The following ENTHD1 variants were observed in gnomAD, a reference collection of about 807,000 sequenced individuals.
ENTHD1 encodes the protein ENTH domain-containing protein 1.
In ENTHD1, 23 loss-of-function variants were observed where a neutral mutation model predicts 39.1. The ratio of observed to expected loss-of-function variants is 0.59; its 90% confidence interval spans 0.42 to 0.83. The LOEUF (loss-of-function observed/expected upper bound fraction) is 0.83. Among genes scored for constraint, ENTHD1 ranks in the 40% least tolerant of loss-of-function variants. The pLI is 0.00. For synonymous variants in ENTHD1, 230 were observed against 258.2 expected (o/e 0.89, Z 1.05); for missense variants, 624 against 705.4 (o/e 0.88, Z 1.31).
intron 5 of ENTHD1, among the ~76,000 whole-genome samples, chr22:39,786,340 C>T (rs1294038205): frequency 4.6e-5 from 7 of 152,214 alleles, no homozygotes; most frequent in Non-Finnish European, 7.4e-5. Context: ...ATCAAACTAA[C>T]GAATATCTAC....
chr22:39,883,836 A>C (rs1287464856), intron 2 of ENTHD1, among the ~76,000 whole-genome samples: 42 of 142,990 alleles, frequency 2.9e-4, no homozygotes, highest in East Asian at 6.1e-4. Flanking sequence ...CCTGGATGAC[A>C]GAGCAAGGCT....
At chr22:39,878,485 A>T (rs1232359565) in intron 2 of ENTHD1, among the ~76,000 whole-genome samples, 1 of 148,634 alleles carries the variant, frequency 6.7e-6, no homozygotes, top group Admixed American at 6.7e-5. Flanking sequence ...ATAAATGGAA[A>T]TTTTTTTTTC....
chr22:39,818,147 A>T (rs2065748353), intron 5 of ENTHD1, among the ~76,000 whole-genome samples: 1 of 152,198 alleles, frequency 6.6e-6, no homozygotes, highest in Admixed American at 6.5e-5. Context: ...CTTGAAACAC[A>T]GCCACGATGC....
intron 3 of ENTHD1, among the ~76,000 whole-genome samples, chr22:39,860,424 C>T (rs959287914): frequency 6.6e-5 from 10 of 152,108 alleles, no homozygotes; most frequent in Non-Finnish European, 1.3e-4. Context: ...CTGTCTCTTT[C>T]GGAGATTTAT....
intron 6 of ENTHD1, among the ~76,000 whole-genome samples, chr22:39,754,514 C>G (rs745762460): frequency 3.9e-5 from 6 of 152,208 alleles, no homozygotes; most frequent in Non-Finnish European, 7.3e-5. Flanking sequence ...TGAGAAGAAA[C>G]TGAGGCCATT....
chr22:39,763,866 C>A (rs185117520), intron 6 of ENTHD1, among the ~76,000 whole-genome samples: 9 of 152,096 alleles, frequency 5.9e-5, no homozygotes, highest in South Asian at 4.2e-4. Context: ...AATAAAAAAA[C>A]CAAACGTATC....
chr22:39,879,454 C>T (rs1353699036), intron 2 of ENTHD1, among the ~76,000 whole-genome samples: 1 of 104,116 alleles, frequency 9.6e-6, no homozygotes, highest in Non-Finnish European at 1.8e-5. Context: ...CAGAGTGAGA[C>T]TCTGTCTCAA....
intron 6 of ENTHD1, among the ~76,000 whole-genome samples, chr22:39,756,483 T>C (rs532847770): frequency 6.6e-6 from 1 of 152,036 alleles, no homozygotes; most frequent in South Asian, 2.1e-4. Flanking sequence ...TACAGGCATG[T>C]CACCACACCT....
chr22:39,815,767 AT>A (rs1194756317), intron 5 of ENTHD1, among the ~76,000 whole-genome samples: 1 of 152,242 alleles, frequency 6.6e-6, no homozygotes, highest in Non-Finnish European at 1.5e-5. Context: ...AAACAAATGC[AT>A]TATAATATAT....
intron 5 of ENTHD1, among the ~76,000 whole-genome samples, chr22:39,803,201 C>T (rs765874264): frequency 1.3e-5 from 2 of 152,080 alleles, no homozygotes; most frequent in Non-Finnish European, 2.9e-5. Context: ...ACCATCCCCT[C>T]GTTTGCTACG....
At chr22:39,817,474 C>G (rs967532973) in intron 5 of ENTHD1, among the ~76,000 whole-genome samples, 1 of 151,936 alleles carries the variant, frequency 6.6e-6, no homozygotes, top group African/African-American at 2.4e-5. Context: ...CAGGAAAATG[C>G]AGAATAAGGT....
At chr22:39,781,861 A>G (rs1601590376) in intron 5 of ENTHD1, among the ~76,000 whole-genome samples, 1 of 152,252 alleles carries the variant, frequency 6.6e-6, no homozygotes, top group South Asian at 2.1e-4. Context: ...ACAAAGAATC[A>G]TTAGAGACTA....
At chr22:39,803,364 G>T (rs933284052) in intron 5 of ENTHD1, among the ~76,000 whole-genome samples, 4 of 151,936 alleles carry the variant, frequency 2.6e-5, no homozygotes, top group Non-Finnish European at 4.4e-5. Context: ...CTGCATAAAG[G>T]CTTTCTCTGA....
intron 5 of ENTHD1, among the ~76,000 whole-genome samples, chr22:39,781,602 C>T (rs1008655934): frequency 2.0e-5 from 3 of 151,872 alleles, no homozygotes; most frequent in Non-Finnish European, 2.9e-5. Context: ...CCTCAAGGAA[C>T]TAGAGAAGCA....
chr22:39,838,129 T>A (rs2065919518), intron 3 of ENTHD1, among the ~76,000 whole-genome samples: 1 of 152,224 alleles, frequency 6.6e-6, no homozygotes, highest in African/African-American at 2.4e-5. Flanking sequence ...TATACTGCAA[T>A]TAATATTTTA....
intron 3 of ENTHD1, among the ~76,000 whole-genome samples, chr22:39,850,833 G>A (rs980796530): frequency 1.2e-4 from 19 of 152,124 alleles, no homozygotes; most frequent in Admixed American, 2.6e-4. Context: ...ACATACCGTG[G>A]CTACCCACTA....
At chr22:39,810,711 G>A (rs966760145) in intron 5 of ENTHD1, among the ~76,000 whole-genome samples, 1 of 152,114 alleles carries the variant, frequency 6.6e-6, no homozygotes, top group East Asian at 1.9e-4. Context: ...ATCAGGTGAT[G>A]GTACCATGCA....
At chr22:39,798,645 G>C (rs75250569) in intron 5 of ENTHD1, among the ~76,000 whole-genome samples, 14,970 of 152,188 alleles carry the variant, frequency 0.098, 865 homozygotes, top group Middle Eastern at 0.13. Context: ...CAAGCTGAGG[G>C]TGCCTGTCCT....
chr22:39,758,555 G>C (rs2065204260), intron 6 of ENTHD1, among the ~76,000 whole-genome samples: 1 of 152,100 alleles, frequency 6.6e-6, no homozygotes, highest in Non-Finnish European at 1.5e-5. Flanking sequence ...CTCCTGAACA[G>C]CTGGGATTAC....
Sources: allele counts gnomAD v4.1 joint callset (sites outside exome capture counted in the v4.1 genomes callset), GRCh38; gene constraint gnomAD v4.1.1; transcripts MANE v1.5; gene names NCBI Gene and HGNC (gene_info 2026-07-23, HGNC 2026-07-21).